The following ITGB6 variants were observed in gnomAD, a reference collection of about 807,000 sequenced individuals.
ITGB6 encodes the protein integrin subunit beta 6.
ITGB6 carries 80 observed loss-of-function variants against 84.5 expected under a neutral mutation model. That is an observed-to-expected ratio of 0.95 (90% CI 0.79 to 1.14). The LOEUF is 1.14. Among genes scored for constraint, ITGB6 ranks in the 50% most tolerant of loss-of-function variants. The pLI, the probability that ITGB6 is intolerant of heterozygous loss-of-function variation, is 0.00. For missense variants in ITGB6, 1,006 were observed against 968.0 expected (o/e 1.04, Z -0.52); for synonymous variants, 383 against 354.9 (o/e 1.08, Z -0.89).
chr2:160,128,925 G>A (rs1683343532), intron 10 of ITGB6, among the ~76,000 whole-genome samples: 1 of 152,050 alleles, frequency 6.6e-6, no homozygotes, highest in Non-Finnish European at 1.5e-5. Flanking sequence ...TATATATATG[G>A]GCCTGAAGTT....
chr2:160,174,414 T>G (rs1294063542), intron 4 of ITGB6, among the ~76,000 whole-genome samples: 3 of 151,150 alleles, frequency 2.0e-5, no homozygotes, highest in Non-Finnish European at 4.4e-5. Context: ...CAGACTCCAG[T>G]GTGTGTGTGT....
rs200245831 is a variant in ITGB6 at position 160,186,272 on chromosome 2, CA to C, written c.593+9096del. 1.2e-3 allele frequency among the ~76,000 whole-genome samples: 162 copies of C among 133,810 alleles called. 1 individual carries two copies. The highest frequency in any genetic ancestry group is 6.6e-4 in the Non-Finnish European group (41 of 62,018). The allele number at this position is 133,810 out of a possible 152,430, so 87.8% of individuals were successfully genotyped here. ...TCTACAAAGAACTTAAACAAATTTC[CA>C]AAAAAAAAAAAAACATCAAAAAGTC... is the stretch of plus-strand genomic sequence containing the variant. On this transcript the variant is annotated intron_variant, in intron 4 of 14. Transcript: ENST00000283249.
At chr2:160,187,911 T>G (rs1396979655) in intron 4 of ITGB6, among the ~76,000 whole-genome samples, 2 of 152,142 alleles carry the variant, frequency 1.3e-5, no homozygotes, top group African/African-American at 2.4e-5. Context: ...AAGGGAGTCC[T>G]GAGATCTAAA....
At chr2:160,105,269 G>A (rs1447742312) in intron 14 of ITGB6, among the ~76,000 whole-genome samples, 2 of 151,916 alleles carry the variant, frequency 1.3e-5, no homozygotes, top group African/African-American at 2.4e-5. Flanking sequence ...ATGCATGTTC[G>A]GGTCGCATGT....
At chr2:160,171,800 C>A (rs1685216652) in intron 6 of ITGB6, among the ~76,000 whole-genome samples, 1 of 152,186 alleles carries the variant, frequency 6.6e-6, no homozygotes, top group African/African-American at 2.4e-5. Context: ...GCGTATGCAA[C>A]TGAAGGGAAA....
intron 12 of ITGB6, among the ~76,000 whole-genome samples, chr2:160,120,775 A>G (rs1441552176): frequency 7.0e-6 from 1 of 143,756 alleles, no homozygotes; most frequent in Non-Finnish European, 1.5e-5. Flanking sequence ...CATGGATGAA[A>G]CTGGAAACCA....
intron 7 of ITGB6, among the ~76,000 whole-genome samples, chr2:160,161,413 C>T (rs1268951050): frequency 2.0e-5 from 3 of 152,184 alleles, no homozygotes; most frequent in Non-Finnish European, 2.9e-5. Context: ...GCCTCAGCCT[C>T]CCAAGTAGCT....
rs759407254 is a variant in ITGB6, at chr2:160,196,423, A to AAAAAAG, written c.142-9_142-4dup. The AAAAAAG allele has an allele frequency of 5.0e-6, 8 of 1,593,418 alleles. No individual in the cohort carries two copies. The East Asian group carries it at 1.8e-4, about 36-fold the overall frequency. ...ACTCCAGATGGATGAGTAAAATTCT[A>AAAAAAG]AAAAAGAAAAAGAAAAACAATAACC... is the stretch of plus-strand genomic sequence containing the variant. On this transcript the variant is annotated splice_polypyrimidine_tract_variant and splice_region_variant and intron_variant, in intron 2 of 14. Transcript: ENST00000283249.
chr2:160,125,620 A>C (rs1683207262), intron 11 of ITGB6, among the ~76,000 whole-genome samples: 1 of 152,222 alleles, frequency 6.6e-6, no homozygotes. Context: ...TCAGAAATGC[A>C]AATGTCACCA....
chr2:160,187,549 C>A (rs1685953330), intron 4 of ITGB6, among the ~76,000 whole-genome samples: 1 of 152,124 alleles, frequency 6.6e-6, no homozygotes, highest in Non-Finnish European at 1.5e-5. Context: ...TGACTTTCTT[C>A]ATGGAATTCA....
intron 7 of ITGB6, among the ~76,000 whole-genome samples, chr2:160,146,577 C>T (rs1335012261): frequency 2.6e-5 from 4 of 152,112 alleles, no homozygotes; most frequent in Admixed American, 6.5e-5. Context: ...GTCATATAAT[C>T]TGCTCACAAA....
chr2:160,181,039 T>C (rs1685645979), intron 4 of ITGB6, among the ~76,000 whole-genome samples: 1 of 152,054 alleles, frequency 6.6e-6, no homozygotes, highest in Admixed American at 6.6e-5. Context: ...GGGCCCTGGG[T>C]CTCAAGCACA....
intron 12 of ITGB6, among the ~76,000 whole-genome samples, chr2:160,113,021 T>G (rs1364403134): frequency 5.9e-5 from 9 of 152,242 alleles, no homozygotes; most frequent in Non-Finnish European, 1.3e-4. Flanking sequence ...ACAAATTTGC[T>G]TAACTGTTCT....
At chr2:160,188,587 A>G (rs899524467) in intron 4 of ITGB6, among the ~76,000 whole-genome samples, 14 of 150,624 alleles carry the variant, frequency 9.3e-5, no homozygotes, top group African/African-American at 3.4e-4. Context: ...AATGCTTTTA[A>G]TCGTTAACTC....
chr2:160,183,149 C>T (rs1026399405), intron 4 of ITGB6, among the ~76,000 whole-genome samples: 11 of 152,250 alleles, frequency 7.2e-5, no homozygotes, highest in African/African-American at 2.4e-4. Flanking sequence ...ACAATATTAA[C>T]CTTAAATGTA....
intron 4 of ITGB6, among the ~76,000 whole-genome samples, chr2:160,180,784 G>T (rs1271691968): frequency 6.6e-6 from 1 of 152,132 alleles, no homozygotes; most frequent in African/African-American, 2.4e-5. Flanking sequence ...TCCAACTGAG[G>T]TACCCAGCTC....
chr2:160,152,048 A>T (rs549763717), intron 7 of ITGB6, among the ~76,000 whole-genome samples: 2 of 152,332 alleles, frequency 1.3e-5, no homozygotes, highest in East Asian at 3.9e-4. Context: ...CTCCTTCTGA[A>T]ACTATTCCAA....
intron 7 of ITGB6, among the ~76,000 whole-genome samples, chr2:160,156,498 A>G (rs201245831): frequency 6.6e-6 from 1 of 152,040 alleles, no homozygotes; most frequent in Non-Finnish European, 1.5e-5. Context: ...TGCATGGGGG[A>G]GTGGACCACA....
At chr2:160,199,033 C>T (rs1190559297) in intron 2 of ITGB6, 146 bp downstream of exon 2, 1 of 595,322 alleles carries the variant, frequency 1.7e-6, no homozygotes, top group South Asian at 2.5e-5. Flanking sequence ...TTTTGATCTA[C>T]CAATGCTCAC....
Sources: gnomAD v4.1 joint callset for allele counts (sites outside exome capture counted in the v4.1 genomes callset) on GRCh38, gnomAD v4.1.1 for gene constraint, MANE v1.5 for transcripts, NCBI Gene and HGNC (gene_info 2026-07-23, HGNC 2026-07-21) for gene names.